The following CHSY3 variants were observed in gnomAD, a reference collection of about 807,000 sequenced individuals.
The protein encoded by CHSY3 is chondroitin sulfate synthase 3, also known as N-acetylgalactosaminyl-proteoglycan 3-beta-glucuronosyltransferase 3.
A neutral mutation model predicts 67.2 loss-of-function variants in CHSY3; 35 were observed. The ratio of observed to expected loss-of-function variants is 0.52; its 90% CI spans 0.40 to 0.69. The LOEUF (loss-of-function observed/expected upper bound fraction) is 0.69, where lower values mean the gene tolerates loss of function less well. CHSY3 is among the 30% of genes least tolerant of loss of function. CHSY3 has a pLI of 0.00. For missense variants in CHSY3, 1,069 were observed against 1,138.5 expected, an observed-to-expected ratio of 0.94 and a Z score of 0.88; for synonymous variants, 474 against 434.7, an observed-to-expected ratio of 1.09 and a Z score of -1.12.
At chr5:130,072,834 A>G (rs1766127319) in intron 2 of CHSY3, among the ~76,000 whole-genome samples, 1 of 152,192 alleles carries the variant, frequency 6.6e-6, no homozygotes, top group African/African-American at 2.4e-5. Context: ...AAATTCTGCC[A>G]TTCATGACAA....
At chr5:130,043,771 G>C (rs1765069195) in intron 2 of CHSY3, among the ~76,000 whole-genome samples, 1 of 152,030 alleles carries the variant, frequency 6.6e-6, no homozygotes, top group African/African-American at 2.4e-5. Flanking sequence ...ATGTTTTATA[G>C]TGTTTAAGGT....
intron 2 of CHSY3, among the ~76,000 whole-genome samples, chr5:130,162,387 G>A (rs1397204751): frequency 1.3e-5 from 2 of 152,146 alleles, no homozygotes; most frequent in East Asian, 3.9e-4. Flanking sequence ...TGAGAAGACT[G>A]ACATAGACAA....
chr5:130,177,446 G>A (rs1770090074), intron 2 of CHSY3, among the ~76,000 whole-genome samples: 1 of 151,948 alleles, frequency 6.6e-6, no homozygotes, highest in African/African-American at 2.4e-5. Flanking sequence ...ATAGTTCTCT[G>A]AGAAATGAGC....
chr5:129,916,689 C>A (rs912723373), intron 2 of CHSY3, among the ~76,000 whole-genome samples: 2 of 152,276 alleles, frequency 1.3e-5, no homozygotes, highest in Non-Finnish European at 2.9e-5. Context: ...AGTCATTTCA[C>A]ATCTTATGTA....
intron 2 of CHSY3, among the ~76,000 whole-genome samples, chr5:130,021,779 G>A (rs1764397600): frequency 1.3e-5 from 2 of 152,072 alleles, no homozygotes; most frequent in African/African-American, 4.8e-5. Flanking sequence ...TGTGAGAGGA[G>A]CAAATATGTG....
chr5:130,116,991 A>G (rs1488801856), intron 2 of CHSY3, among the ~76,000 whole-genome samples: 3 of 151,896 alleles, frequency 2.0e-5, no homozygotes. Context: ...TTTGGGGGAG[A>G]GAGTTGAGAC....
intron 2 of CHSY3, among the ~76,000 whole-genome samples, chr5:129,961,993 A>G (rs1046815398): frequency 6.6e-6 from 1 of 151,976 alleles, no homozygotes; most frequent in Non-Finnish European, 1.5e-5. Context: ...ACCTGCAGCC[A>G]ATCTTTCAAC....
At chr5:129,991,529 A>G (rs961547729) in intron 2 of CHSY3, among the ~76,000 whole-genome samples, 12 of 152,206 alleles carry the variant, frequency 7.9e-5, no homozygotes, top group South Asian at 2.1e-4. Flanking sequence ...CTTGATGAGT[A>G]TAATAGTAAA....
At chr5:130,099,170 A>G (rs1331315880) in intron 2 of CHSY3, among the ~76,000 whole-genome samples, 2 of 152,210 alleles carry the variant, frequency 1.3e-5, no homozygotes, top group East Asian at 1.9e-4. Context: ...CCACAAACCA[A>G]TTTGAAGACT....
At chr5:130,118,708 CT>C (rs1345496145) in intron 2 of CHSY3, among the ~76,000 whole-genome samples, 1 of 151,916 alleles carries the variant, frequency 6.6e-6, no homozygotes, top group East Asian at 1.9e-4. Flanking sequence ...AGAATTTTGT[CT>C]TTTCTTTTAA....
intron 2 of CHSY3, among the ~76,000 whole-genome samples, chr5:130,176,586 A>T (rs551677115): frequency 2.0e-5 from 3 of 152,296 alleles, no homozygotes; most frequent in African/African-American, 4.8e-5. Flanking sequence ...GAGACTTGGA[A>T]CCAACCCAAA....
intron 2 of CHSY3, among the ~76,000 whole-genome samples, chr5:130,143,375 C>G (rs536703403): frequency 8.0e-4 from 121 of 152,052 alleles, no homozygotes; most frequent in Non-Finnish European, 6.9e-4. Flanking sequence ...ACTAAGGGAC[C>G]AGAGTTCTAA....
intron 2 of CHSY3, among the ~76,000 whole-genome samples, chr5:130,169,010 G>A (rs1193019039): frequency 6.6e-6 from 1 of 152,144 alleles, no homozygotes; most frequent in Non-Finnish European, 1.5e-5. Context: ...GCGAGTAGGA[G>A]AGGGAGCCAA....
chr5:130,040,479 ACTGT>A (rs1764978102), intron 2 of CHSY3, among the ~76,000 whole-genome samples: 1 of 152,096 alleles, frequency 6.6e-6, no homozygotes. Flanking sequence ...AACTGTCAAA[ACTGT>A]CTTTCTTTGT....
chr5:130,133,353 G>T (rs757309691), intron 2 of CHSY3, among the ~76,000 whole-genome samples: 1 of 152,040 alleles, frequency 6.6e-6, no homozygotes, highest in Non-Finnish European at 1.5e-5. Context: ...CATGACTACC[G>T]GGTAGCCATG....
intron 2 of CHSY3, among the ~76,000 whole-genome samples, chr5:130,178,126 G>C (rs1319125671): frequency 7.1e-6 from 1 of 141,528 alleles, no homozygotes; most frequent in Non-Finnish European, 1.5e-5. Flanking sequence ...ATATAAACAT[G>C]GATAAATATG....
intron 2 of CHSY3, among the ~76,000 whole-genome samples, chr5:130,150,680 T>C (rs1769210816): frequency 6.6e-6 from 1 of 152,222 alleles, no homozygotes. Flanking sequence ...TTATGTTAAG[T>C]GTGCTAACTT....
intron 2 of CHSY3, among the ~76,000 whole-genome samples, chr5:129,955,690 C>A (rs1039401172): frequency 6.6e-6 from 1 of 152,118 alleles, no homozygotes; most frequent in Non-Finnish European, 1.5e-5. Flanking sequence ...TCCCTCCTCC[C>A]ACTCTTCACT....
chr5:130,110,036 T>C (rs553188627), intron 2 of CHSY3, among the ~76,000 whole-genome samples: 1 of 151,980 alleles, frequency 6.6e-6, no homozygotes, highest in East Asian at 1.9e-4. Context: ...GTACTGGAAA[T>C]GGTGATGCTG....
Sources: gnomAD v4.1 joint callset for allele counts (sites outside exome capture counted in the v4.1 genomes callset) on GRCh38, gnomAD v4.1.1 for gene constraint, MANE v1.5 for transcripts, NCBI Gene and HGNC (gene_info 2026-07-23, HGNC 2026-07-21) for gene names.